Variants in GPBP1 observed in about 807,000 individuals in gnomAD.
GPBP1 encodes the protein GC-rich promoter binding protein 1, also known as vasculin.
Under a neutral mutation model 56.5 loss-of-function variants are expected in GPBP1, and 13 were observed. The ratio of observed to expected loss-of-function variants is 0.23; its 90% CI spans 0.15 to 0.37. The LOEUF (loss-of-function observed/expected upper bound fraction) is 0.37. Among genes scored for constraint, GPBP1 ranks in the 10% least tolerant of loss-of-function variants. GPBP1 has a pLI of 1.00. For synonymous variants in GPBP1, 204 were observed against 188.9 expected, an observed-to-expected ratio of 1.08 and a Z score of -0.66; for missense variants, 477 against 572.3, an observed-to-expected ratio of 0.83 and a Z score of 1.70.
intron 10 of GPBP1, among the ~76,000 whole-genome samples, chr5:57,253,701 T>C (rs1741494526): frequency 6.6e-6 from 1 of 152,212 alleles, no homozygotes; most frequent in African/African-American, 2.4e-5. Flanking sequence ...TTAATTTTAC[T>C]TTTTATTTCT....
At chr5:57,195,980 C>CAAAAAA (rs1181097227) in intron 2 of GPBP1, among the ~76,000 whole-genome samples, 120 of 29,644 alleles carry the variant, frequency 4.0e-3, no homozygotes, top group African/African-American at 5.6e-3. Context: ...AACTCCATCT[C>CAAAAAA]AAAAAAAAAA....
At chr5:57,243,191 C>T (rs908362275) in intron 6 of GPBP1, among the ~76,000 whole-genome samples, 2 of 151,840 alleles carry the variant, frequency 1.3e-5, no homozygotes, top group African/African-American at 4.8e-5. Context: ...CTCAGTCTCC[C>T]GAGTAGCTGG....
chr5:57,192,333 T>A (rs953986548), intron 2 of GPBP1, among the ~76,000 whole-genome samples: 4 of 152,114 alleles, frequency 2.6e-5, no homozygotes, highest in South Asian at 4.1e-4. Flanking sequence ...GTAGTCTGTT[T>A]GGGGATAGCG....
intron 2 of GPBP1, among the ~76,000 whole-genome samples, chr5:57,180,030 G>A (rs75148143): frequency 0.027 from 4,074 of 152,186 alleles, 104 homozygotes; most frequent in Middle Eastern, 0.12. Context: ...AAACTGGGGA[G>A]AGTTACAAGA....
intron 2 of GPBP1, among the ~76,000 whole-genome samples, chr5:57,207,800 C>A (rs1380921635): frequency 1.3e-5 from 2 of 152,164 alleles, no homozygotes; most frequent in Non-Finnish European, 2.9e-5. Context: ...TCTGACCGCA[C>A]CAGCCAAACC....
At chr5:57,233,480 C>A (rs1424559462) in intron 5 of GPBP1, among the ~76,000 whole-genome samples, 1 of 152,024 alleles carries the variant, frequency 6.6e-6, no homozygotes, top group Non-Finnish European at 1.5e-5. Context: ...CTTTTGGCTC[C>A]CCCAAAAACT....
At chr5:57,226,279 T>G (rs1756183392) in intron 3 of GPBP1, among the ~76,000 whole-genome samples, 1 of 152,318 alleles carries the variant, frequency 6.6e-6, no homozygotes, top group Non-Finnish European at 1.5e-5. Flanking sequence ...GCAAAATTAC[T>G]TATTGGTGGT....
rs189832030 is a variant in GPBP1 at position 57,251,245 on chromosome 5, G to A, written c.1160+104G>A. 759 of 970,024 alleles carry A rather than the reference G, an allele frequency of 7.8e-4. 4 individuals are homozygous for A. In the African/African-American group the frequency reaches 0.011, roughly 14 times the overall value. 60.1% of individuals were successfully genotyped at this position (970,024 alleles called of 1,614,324 possible). ...ACAGGTTTATTGGAATACAACTTAC[G>A]CCATAAATTTCACCCATTATGATAT... On this transcript the variant is annotated intron_variant, in intron 10 of 11. Transcript: ENST00000506184.
intron 2 of GPBP1, among the ~76,000 whole-genome samples, chr5:57,201,523 C>T (rs2111698454): frequency 6.6e-6 from 1 of 152,248 alleles, no homozygotes; most frequent in Middle Eastern, 3.4e-3. Flanking sequence ...GTCATGTAGC[C>T]TTATTTTTGT....
intron 3 of GPBP1, among the ~76,000 whole-genome samples, chr5:57,229,087 C>A (rs991313931): frequency 2.0e-5 from 3 of 151,248 alleles, no homozygotes; most frequent in African/African-American, 7.3e-5. Flanking sequence ...AAAAATTAAC[C>A]GGTTGTGGTG....
rs1248528140 is a variant in GPBP1, at chr5:57,259,646, G to A, written c.1161-1534G>A. 2.0e-5 allele frequency among the ~76,000 whole-genome samples: 3 copies of A among 152,258 alleles called. No homozygotes were observed. In the South Asian group the frequency reaches 6.2e-4, roughly 32 times the overall value. On this transcript the variant is annotated intron_variant, in intron 10 of 11. Transcript: ENST00000506184. ...AATTTAAGATTAGGAAATGAAGTCA[G>A]AAGGAGCCAAATCAGGACTGAAAGG...
intron 2 of GPBP1, among the ~76,000 whole-genome samples, chr5:57,184,340 A>G (rs1397082999): frequency 6.6e-6 from 1 of 152,052 alleles, no homozygotes; most frequent in Non-Finnish European, 1.5e-5. Flanking sequence ...ATAGAGAAAA[A>G]TGGTTTTATT....
chr5:57,196,107 G>A lies in GPBP1; in HGVS notation c.-57-17967G>A, dbSNP rs907198954. Among the ~76,000 whole-genome samples, 2 of 147,696 alleles carry A rather than the reference G, an allele frequency of 1.4e-5. 1 individual carries two copies. The highest frequency in any genetic ancestry group is 4.2e-4 in the South Asian group (2 of 4,722). ...CTTTTCCATATGATGGTTACTTCTT[G>A]TCAGTGTTTTCTATCTCTGCCTACC... On this transcript the variant is annotated intron_variant, in intron 2 of 11. Coordinates refer to ENST00000506184, the MANE Select transcript of GPBP1 (RefSeq NM_022913.4).
intron 7 of GPBP1, among the ~76,000 whole-genome samples, chr5:57,246,765 G>GT (rs1282853885): frequency 2.0e-5 from 3 of 151,830 alleles, no homozygotes; most frequent in East Asian, 3.9e-4. Context: ...ATATAATGCT[G>GT]TTTTACCTGG....
At chr5:57,208,655 C>CTTTTTTTTTT (rs70999065) in intron 2 of GPBP1, among the ~76,000 whole-genome samples, 4 of 119,072 alleles carry the variant, frequency 3.4e-5, no homozygotes, top group Non-Finnish European at 3.4e-5. Context: ...TTTTGTTTTT[C>CTTTTTTTTTT]TTTTTTTTTT....
At chr5:57,180,462 T>C (rs146536915) in intron 2 of GPBP1, among the ~76,000 whole-genome samples, 73 of 152,302 alleles carry the variant, frequency 4.8e-4, no homozygotes, top group African/African-American at 1.6e-3. Flanking sequence ...TTTCTGTTTC[T>C]TTTTTGATAA....
At chr5:57,209,816 T>TC (rs1755397736) in intron 2 of GPBP1, among the ~76,000 whole-genome samples, 1 of 152,196 alleles carries the variant, frequency 6.6e-6, no homozygotes, top group African/African-American at 2.4e-5. Context: ...GTTGAGTCAC[T>TC]CTTGCATTCC....
Position 57,262,700 on chromosome 5 carries a change from A to G in GPBP1, c.1370A>G (p.Asn457Ser). The G allele has an allele frequency of 1.9e-6, 3 of 1,613,900 alleles. No individual in the cohort carries two copies. Among genetic ancestry groups the G allele is most frequent in the Non-Finnish European group, 1.7e-6 (2 of 1,179,812 alleles). Reference sequence around the variant, plus strand: ...AGCACTTTCAAACCCACAACTGAGAATGATGACACAGAGACAAGTAGCAGT... The same window carrying G: ...AGCACTTTCAAACCCACAACTGAGAGTGATGACACAGAGACAAGTAGCAGT... ...KNSTFKPTTE[N>S]DDTETSSSDT... The change falls in exon 12 of 12, where the codon AAT becomes AGT. Residue 457 changes from asparagine to serine, a missense_variant. Physicochemically the swap from Asn to Ser is conservative, Grantham distance 46 (BLOSUM62 1). This residue lies in a region of GPBP1 where 63 missense variants were observed against 114.0 expected (regional missense o/e 0.55). Coordinates refer to ENST00000506184, the MANE Select transcript of GPBP1 (RefSeq NM_022913.4).
intron 6 of GPBP1, chr5:57,237,421 AAAT>A: frequency 2.2e-6 from 1 of 461,124 alleles, no homozygotes; most frequent in South Asian, 3.2e-5. Context: ...ACATATTTGA[AAAT>A]AATGAGAGTA....
Sources: allele counts gnomAD v4.1 joint callset (sites outside exome capture counted in the v4.1 genomes callset), GRCh38; gene constraint gnomAD v4.1.1; regional missense constraint gnomAD v4.1.1; transcripts MANE v1.5; gene names NCBI Gene and HGNC (gene_info 2026-07-23, HGNC 2026-07-21).